NLGN3: variants seen among roughly 807,000 people sequenced by gnomAD.
NLGN3 encodes neuroligin-3.
NLGN3 carries 11 observed loss-of-function variants against 42.9 expected under a neutral mutation model. The ratio of observed to expected loss-of-function variants is 0.26; its 90% CI spans 0.16 to 0.42. NLGN3 has a LOEUF of 0.42. NLGN3 is among the 10% of genes least tolerant of loss of function. NLGN3 has a pLI of 1.00. For missense variants in NLGN3, 374 were observed against 733.8 expected, an observed-to-expected ratio of 0.51 and a Z score of 5.67; for synonymous variants, 279 against 312.7, an observed-to-expected ratio of 0.89 and a Z score of 1.14.
chrX:71,169,784 G>A lies in NLGN3; in HGVS notation c.2234G>A (p.Ser745Asn). ...KRRQEPLRQP[S>N]PQRGAGAPEL... ...CGCCAGGAGCCCCTGCGGCAGCCTA[G>A]CCCTCAGCGGGGAGCCGGGGCCCCG... Residue 745 changes from serine to asparagine, a missense_variant, in exon 8 of 8, where the codon AGC becomes AAC. Around this residue, in one of 6 missense-constraint regions of NLGN3, gnomAD observed 92 missense variants for 108.0 expected, o/e 0.85. Transcript: ENST00000358741. 3.3e-6 allele frequency: 4 copies of A among 1,210,571 alleles called. No individual in the cohort carries two copies. Among genetic ancestry groups the A allele is most frequent in the Non-Finnish European group, 4.5e-6 (4 of 894,875 alleles).
At position 71,169,599 on chromosome X, in the gene NLGN3, C is replaced by G. The variant is rs374485282; in HGVS notation, c.2049C>G (p.Ala683=). 8.3e-7 allele frequency: 1 copy of G among 1,210,553 alleles called. No individual in the cohort carries two copies. The highest frequency in any genetic ancestry group is 1.7e-5 in the African/African-American group (1 of 57,329). Residue 683 remains alanine, a synonymous_variant, in exon 8 of 8, where the codon GCC becomes GCG. Transcript: ENST00000358741. ...AISPAYSNEN[A]QGSWNGDQDA... ...CACCTGCCTACAGCAACGAGAATGC[C>G]CAGGGGTCCTGGAACGGGGACCAGG...
chrX:71,172,133 TAAAAAG>T (rs926792659), downstream of NLGN3, among the ~76,000 whole-genome samples: 4 of 111,793 alleles, frequency 3.6e-5, no homozygotes, highest in Non-Finnish European at 5.6e-5. Context: ...CAAGTATAGT[TAAAAAG>T]AAGAAGAACT....
At chrX:71,173,793 G>A (rs1025085603), downstream of NLGN3, among the ~76,000 whole-genome samples, 1 of 112,079 alleles carries the variant, frequency 8.9e-6, no homozygotes, top group Non-Finnish European at 1.9e-5. Flanking sequence ...AAGACAAAAC[G>A]GAACCACAAT....
intron 4 of NLGN3, among the ~76,000 whole-genome samples, chrX:71,154,080 G>A (rs2092399987): frequency 8.9e-6 from 1 of 112,265 alleles, no homozygotes; most frequent in African/African-American, 3.2e-5. Flanking sequence ...TGGTCTCGGG[G>A]CTAGGGGCTG....
chrX:71,146,155 A>T (rs868045076), intron 1 of NLGN3, among the ~76,000 whole-genome samples: 1,313 of 23,303 alleles, frequency 0.056, 69 homozygotes, highest in African/African-American at 0.22. Context: ...TCTCTCTCTC[A>T]CACACACACA....
intron 5 of NLGN3, among the ~76,000 whole-genome samples, chrX:71,157,235 C>A (rs980436799): frequency 1.8e-5 from 2 of 111,133 alleles, no homozygotes; most frequent in South Asian, 3.8e-4. Context: ...CAGTTTTGAA[C>A]TCCTGAGCTC....
At position 71,155,236 on chromosome X, in the gene NLGN3, A is replaced by G. The variant is rs893537256; in HGVS notation, c.600A>G (p.Lys200=). The G allele has an allele frequency of 1.7e-6, 2 of 1,210,062 alleles. No homozygotes were observed. Among genetic ancestry groups the G allele is most frequent in the African/African-American group, 3.5e-5 (2 of 57,162 alleles). The part of the protein sequence containing the change: ...EDEDIRDSGA[K]PVMVYIHGGS... ...CAGACATCCGGGACAGTGGTGCTAA[A>G]CCCGTCATGGTCTACATCCACGGAG... The change falls in exon 5 of 8, where the codon AAA becomes AAG. Residue 200 remains lysine, a synonymous_variant. Transcript: ENST00000358741.
chrX:71,167,366 T>C lies in NLGN3; in HGVS notation c.1269T>C (p.Gly423=). The change falls in exon 7 of 8, where the codon GGT becomes GGC. Residue 423 remains glycine (G), a synonymous_variant. Transcript: ENST00000358741. Reference sequence around the variant, plus strand: ...AAGGGGTGGTGGACCCTGAGGATGGTGTCTCTGGCACTGACTTTGACTATT... The same window carrying C: ...AAGGGGTGGTGGACCCTGAGGATGGCGTCTCTGGCACTGACTTTGACTATT... ...FVEGVVDPED[G]VSGTDFDYSV... is the part of the protein sequence containing the mutation. 8.3e-7 allele frequency: 1 copy of C among 1,211,772 alleles called. No individual in the cohort carries two copies. The highest frequency in any genetic ancestry group is 1.1e-6 in the Non-Finnish European group (1 of 895,479).
Position 71,167,057 on chromosome X carries a change from C to T in NLGN3, c.960C>T (p.Ser320=). The T allele has an allele frequency of 1.7e-6, 2 of 1,209,362 alleles. No individual in the cohort carries two copies. Among genetic ancestry groups the T allele is most frequent in the Non-Finnish European group, 2.2e-6 (2 of 894,201 alleles). Reference sequence around the variant, plus strand: ...TCCAAAGTGGCTCTGCTCTGTCCAGCTGGGCTGTGAACTACCAACCAGTGA... The same window carrying T: ...TCCAAAGTGGCTCTGCTCTGTCCAGTTGGGCTGTGAACTACCAACCAGTGA... The part of the protein sequence containing the change: ...AIIQSGSALS[S]WAVNYQPVKY... The change falls in exon 7 of 8, where the codon AGC becomes AGT. Residue 320 remains serine, a synonymous_variant. Coordinates refer to ENST00000358741, the MANE Select transcript of NLGN3 (RefSeq NM_181303.2).
rs187447929 is a variant in NLGN3 at position 71,159,035 on chromosome X, A to T, written c.727+3672A>T. Among the ~76,000 whole-genome samples the T allele has an allele frequency of 4.5e-5, 5 of 110,829 alleles. No homozygotes were observed. The East Asian group carries it at 1.4e-3, about 31-fold the overall frequency. Reference sequence around the variant, plus strand: ...ATGCATGTGCGCACACACACACTTAATTTTACAGGGCCGGGTGTGGTGGCT... The same window carrying T: ...ATGCATGTGCGCACACACACACTTATTTTTACAGGGCCGGGTGTGGTGGCT... On this transcript the variant is annotated intron_variant, in intron 5 of 7. Coordinates refer to ENST00000358741, the MANE Select transcript of NLGN3 (RefSeq NM_181303.2).
intron 7 of NLGN3, among the ~76,000 whole-genome samples, chrX:71,168,983 G>C (rs1299284854): frequency 9.1e-6 from 1 of 109,948 alleles, no homozygotes; most frequent in African/African-American, 3.3e-5. Flanking sequence ...GGCAAAATTG[G>C]GCAGCTGAAA....
chrX:71,170,762 G>A lies in NLGN3; in HGVS notation c.*665G>A. ...AGACCATGGGGTGGAAGGAGAAAGG[G>A]GCTAGCACTGGATGGAGCTGGAGGG... On this transcript the variant is annotated 3_prime_UTR_variant, in exon 8 of 8. Transcript: ENST00000358741. 1.3e-6 allele frequency: 1 copy of A among 759,113 alleles called. No homozygotes were observed. The allele number at this position is 759,113 out of a possible 1,213,427, so 62.6% of individuals were successfully genotyped here.
Position 71,170,182 on chromosome X carries a change from G to GACAC in NLGN3, c.*101_*104dup, listed in dbSNP as rs760166426. ...GCACACACACACACACACACACGCA[G>GACAC]ACACACACACACACACACATATATG... is the stretch of plus-strand genomic sequence containing the variant. On this transcript the variant is annotated 3_prime_UTR_variant, in exon 8 of 8. Coordinates refer to ENST00000358741, the MANE Select transcript of NLGN3 (RefSeq NM_181303.2). 15 of 1,023,416 alleles carry GACAC rather than the reference G, an allele frequency of 1.5e-5. No individual in the cohort carries two copies. The highest frequency in any genetic ancestry group is 3.3e-4 in the Middle Eastern group (1 of 3,047). The allele number at this position is 1,023,416 out of a possible 1,213,427, so 84.3% of individuals were successfully genotyped here. A position where few individuals can be genotyped will look rare whatever the true frequency, so the allele number is the denominator to read the frequency against.
intron 4 of NLGN3, 91 bp from the exon 5 acceptor site, chrX:71,155,123 G>A: frequency 1.9e-6 from 2 of 1,067,321 alleles, no homozygotes; most frequent in Non-Finnish European, 2.6e-6. Flanking sequence ...ACCTGGGATA[G>A]CTTTGCTGCC....
intron 7 of NLGN3, among the ~76,000 whole-genome samples, chrX:71,168,069 G>A (rs776906227): frequency 9.0e-6 from 1 of 111,652 alleles, no homozygotes; most frequent in South Asian, 3.7e-4. Context: ...ATTTAGCCAG[G>A]CCCAGTGGCT....
At chrX:71,165,413 G>A (rs1379576494) in intron 6 of NLGN3, among the ~76,000 whole-genome samples, 1 of 112,015 alleles carries the variant, frequency 8.9e-6, no homozygotes, top group Admixed American at 9.4e-5. Flanking sequence ...CTGAAAAGAC[G>A]TTCTGTGCCT....
At chrX:71,150,718 A>AAAAG (rs2092388239) in intron 3 of NLGN3, among the ~76,000 whole-genome samples, 2 of 102,927 alleles carry the variant, frequency 1.9e-5, no homozygotes, top group African/African-American at 7.2e-5. Flanking sequence ...AAAAAAAAAA[A>AAAAG]AAAAGAAAGA....
intron 6 of NLGN3, among the ~76,000 whole-genome samples, chrX:71,165,074 G>A (rs1332740755): frequency 8.9e-6 from 1 of 112,069 alleles, no homozygotes; most frequent in Non-Finnish European, 1.9e-5. Context: ...CCTGAAATAG[G>A]TGCCCTTTTC....
At chrX:71,158,809 C>T (rs1449602927) in intron 5 of NLGN3, among the ~76,000 whole-genome samples, 1 of 111,605 alleles carries the variant, frequency 9.0e-6, no homozygotes, top group Non-Finnish European at 1.9e-5. Context: ...AACTGTGGGC[C>T]GCACAGAAGG....
Sources: gnomAD v4.1 joint callset for allele counts (sites outside exome capture counted in the v4.1 genomes callset) on GRCh38, gnomAD v4.1.1 for gene constraint, gnomAD v4.1.1 regional missense constraint, MANE v1.5 for transcripts, NCBI Gene and HGNC (gene_info 2026-07-23, HGNC 2026-07-21) for gene names.